LINS1: variants seen among roughly 807,000 people sequenced by gnomAD.
The protein encoded by LINS1 is lines homolog 1, also known as protein Lines homolog 1.
Under a neutral mutation model 41.6 loss-of-function variants are expected in LINS1, and 27 were observed. The observed-to-expected ratio is 0.65, with a 90% CI of 0.48 to 0.89. The LOEUF (loss-of-function observed/expected upper bound fraction) is 0.89, where lower values mean the gene tolerates loss of function less well. LINS1 is among the 40% of genes least tolerant of loss of function. The probability of loss-of-function intolerance (pLI) is 0.00; values close to 1 mark genes in which losing one functional copy is unlikely to be tolerated. For missense variants in LINS1, 955 were observed against 884.1 expected, an observed-to-expected ratio of 1.08 and a Z score of -1.02; for synonymous variants, 336 against 312.9, an observed-to-expected ratio of 1.07 and a Z score of -0.78.
chr15:100,591,102 G>A (rs550501411), intron 1 of LINS1, among the ~76,000 whole-genome samples: 11 of 152,236 alleles, frequency 7.2e-5, no homozygotes, highest in Non-Finnish European at 1.2e-4. Context: ...ACTTGAACCC[G>A]GGAGGCAGAG....
chr15:100,601,440 A>G (rs1010806514), intron 1 of LINS1, among the ~76,000 whole-genome samples: 1 of 152,130 alleles, frequency 6.6e-6, no homozygotes, highest in African/African-American at 2.4e-5. Flanking sequence ...ACTCGTGAAG[A>G]CAGAACCCTC....
Sources: gnomAD v4.1 joint callset for allele counts (sites outside exome capture counted in the v4.1 genomes callset) on GRCh38, gnomAD v4.1.1 for gene constraint, MANE v1.5 for transcripts, NCBI Gene and HGNC (gene_info 2026-07-23, HGNC 2026-07-21) for gene names.